Variants in CACNB2 observed in about 807,000 individuals in gnomAD.
The protein encoded by CACNB2 is calcium voltage-gated channel auxiliary subunit beta 2.
A neutral mutation model predicts 73.3 loss-of-function variants in CACNB2; 42 were observed. The ratio of observed to expected loss-of-function variants is 0.57; its 90% CI spans 0.45 to 0.74. The LOEUF (loss-of-function observed/expected upper bound fraction) is 0.74, where lower values mean the gene tolerates loss of function less well. CACNB2 is among the 30% of genes least tolerant of loss of function. The pLI is 0.00. For synonymous variants in CACNB2, 348 were observed against 310.3 expected (o/e 1.12, Z -1.28); for missense variants, 940 against 853.0 (o/e 1.10, Z -1.27).
rs183555810 is a variant in CACNB2, at chr10:18,233,545, C to T, written c.213+82570C>T. Among the ~76,000 whole-genome samples, 24 of 152,076 alleles carry T rather than the reference C, an allele frequency of 1.6e-4. No homozygotes were observed. The East Asian group carries it at 4.1e-3, about 26-fold the overall frequency. ...CTTATTTTTTAAAAACTAGGTACTGCGCTGAGAATTACAGATTGGGGTTTG... is the reference window on the plus strand; with the variant it reads ...CTTATTTTTTAAAAACTAGGTACTGTGCTGAGAATTACAGATTGGGGTTTG... On this transcript the variant is annotated intron_variant, in intron 2 of 13. Transcript: ENST00000324631.
At chr10:18,156,507 T>C (rs2131066058) in intron 2 of CACNB2, among the ~76,000 whole-genome samples, 1 of 152,292 alleles carries the variant, frequency 6.6e-6, no homozygotes, top group East Asian at 1.9e-4. Flanking sequence ...AAGGGCTGAG[T>C]CTTGATCCAG....
chr10:18,539,166 C>G, intron 13 of CACNB2, 64 bp from the exon 14 acceptor site: 1 of 1,606,738 alleles, frequency 6.2e-7, no homozygotes, highest in South Asian at 1.1e-5. Flanking sequence ...AATGCACTTG[C>G]TCTGGGACAT....
At chr10:18,245,591 A>G (rs1380596087) in intron 2 of CACNB2, among the ~76,000 whole-genome samples, 1 of 152,114 alleles carries the variant, frequency 6.6e-6, no homozygotes, top group Non-Finnish European at 1.5e-5. Context: ...TCAGCTTCCC[A>G]AAGTGTTGGA....
intron 2 of CACNB2, among the ~76,000 whole-genome samples, chr10:18,154,964 C>T (rs2031924189): frequency 6.6e-6 from 1 of 152,086 alleles, no homozygotes; most frequent in South Asian, 2.1e-4. Context: ...TTGAAACCAC[C>T]CTGTAGTAAT....
At chr10:18,512,489 T>C (rs2050863243) in intron 6 of CACNB2, among the ~76,000 whole-genome samples, 1 of 152,216 alleles carries the variant, frequency 6.6e-6, no homozygotes, top group African/African-American at 2.4e-5. Flanking sequence ...TGTTGCAATT[T>C]TAGGGAAACT....
At chr10:18,197,766 CA>C (rs1208610066) in intron 2 of CACNB2, among the ~76,000 whole-genome samples, 3 of 151,572 alleles carry the variant, frequency 2.0e-5, no homozygotes, top group Non-Finnish European at 4.4e-5. Flanking sequence ...TCCTTTGAGC[CA>C]AAAAAACAGT....
intron 2 of CACNB2, among the ~76,000 whole-genome samples, chr10:18,174,398 C>T (rs12411637): frequency 1.4e-5 from 1 of 73,972 alleles, no homozygotes; most frequent in Admixed American, 1.6e-4. Flanking sequence ...CTTTCTTTCT[C>T]TCTTTCTTTC....
chr10:18,497,208 T>TAA (rs11421435), intron 3 of CACNB2, among the ~76,000 whole-genome samples: 11,470 of 118,730 alleles, frequency 0.097, 573 homozygotes, highest in Middle Eastern at 0.12. Context: ...TAAGACTCTG[T>TAA]AAAAAAAAAA....
chr10:18,189,521 C>A (rs1199588021), intron 2 of CACNB2, among the ~76,000 whole-genome samples: 1 of 151,968 alleles, frequency 6.6e-6, no homozygotes, highest in Non-Finnish European at 1.5e-5. Context: ...TACTGTGAAC[C>A]CTTTTCTATT....
chr10:18,527,525 A>T, intron 9 of CACNB2, 63 bp from the exon 10 acceptor site: 2 of 1,023,632 alleles, frequency 2.0e-6, no homozygotes, highest in Non-Finnish European at 3.1e-6. Flanking sequence ...TGGGGCATAC[A>T]CTTCTATCCC....
At chr10:18,151,776 T>A (rs1394312536) in intron 2 of CACNB2, among the ~76,000 whole-genome samples, 2 of 152,152 alleles carry the variant, frequency 1.3e-5, no homozygotes, top group Non-Finnish European at 2.9e-5. Context: ...GAATCTGTTC[T>A]TGTGGCCCAG....
chr10:18,504,486 A>G (rs1470234258), intron 5 of CACNB2, among the ~76,000 whole-genome samples: 1 of 152,182 alleles, frequency 6.6e-6, no homozygotes, highest in African/African-American at 2.4e-5. Flanking sequence ...GGAATGTAAC[A>G]TCTCAGAACT....
At position 18,231,400 on chromosome 10, in the gene CACNB2, A is replaced by G. The variant is rs190690962; in HGVS notation, c.213+80425A>G. ...CGCCATGTTGGCCAGGCTGGTCTCA[A>G]ACTCTTGACCTCAGGTGATCCACCT... On this transcript the variant is annotated intron_variant, in intron 2 of 13. Coordinates refer to ENST00000324631, the MANE Select transcript of CACNB2 (RefSeq NM_201596.3). 5.9e-3 allele frequency among the ~76,000 whole-genome samples: 903 copies of G among 152,274 alleles called. 13 individuals carry two copies. Among genetic ancestry groups the G allele is most frequent in the African/African-American group, 0.021 (857 of 41,552 alleles).
chr10:18,248,855 A>G (rs1176125086), intron 2 of CACNB2, among the ~76,000 whole-genome samples: 2 of 152,122 alleles, frequency 1.3e-5, no homozygotes, highest in African/African-American at 2.4e-5. Flanking sequence ...TTCCTGGGAA[A>G]TGTGACATCA....
At chr10:18,392,139 C>A (rs937705234) in intron 2 of CACNB2, among the ~76,000 whole-genome samples, 1 of 151,818 alleles carries the variant, frequency 6.6e-6, no homozygotes, top group Non-Finnish European at 1.5e-5. Flanking sequence ...TGTCTGGTAC[C>A]TCTGAGGAAT....
intron 2 of CACNB2, among the ~76,000 whole-genome samples, chr10:18,344,738 A>G (rs2041376388): frequency 6.6e-6 from 1 of 152,178 alleles, no homozygotes; most frequent in Non-Finnish European, 1.5e-5. Context: ...CTCATGCCTG[A>G]ACGACACCAG....
At chr10:18,227,415 A>G (rs2036036466) in intron 2 of CACNB2, among the ~76,000 whole-genome samples, 1 of 152,140 alleles carries the variant, frequency 6.6e-6, no homozygotes, top group South Asian at 2.1e-4. Context: ...AGGAGAAAAA[A>G]AATACCCCAG....
At chr10:18,319,746 G>A (rs868104307) in intron 2 of CACNB2, among the ~76,000 whole-genome samples, 56 of 152,202 alleles carry the variant, frequency 3.7e-4, no homozygotes, top group African/African-American at 1.2e-3. Flanking sequence ...TTAAGGGGAA[G>A]TGTGAGCGTT....
chr10:18,530,252 A>G (rs2052864249), intron 10 of CACNB2, among the ~76,000 whole-genome samples: 1 of 152,188 alleles, frequency 6.6e-6, no homozygotes, highest in Non-Finnish European at 1.5e-5. Context: ...GCATTCATTC[A>G]TTTAGCAAAT....
Sources: allele counts gnomAD v4.1 joint callset (sites outside exome capture counted in the v4.1 genomes callset), GRCh38; gene constraint gnomAD v4.1.1; transcripts MANE v1.5; gene names NCBI Gene and HGNC (gene_info 2026-07-23, HGNC 2026-07-21).